The following MNAT1 variants were observed in gnomAD, a reference collection of about 807,000 sequenced individuals.
MNAT1 encodes the protein CDK-activating kinase assembly factor MAT1.
MNAT1 carries 43 observed loss-of-function variants against 42.0 expected under a neutral mutation model. That is an observed-to-expected ratio of 1.02 (90% CI 0.80 to 1.32). The LOEUF (loss-of-function observed/expected upper bound fraction) is 1.32, where lower values mean the gene tolerates loss of function less well. MNAT1 is among the 40% of genes most tolerant of loss of function. The probability of loss-of-function intolerance (pLI) is 0.00; values close to 1 mark genes in which losing one functional copy is unlikely to be tolerated. For synonymous variants in MNAT1, 118 were observed against 120.0 expected, an observed-to-expected ratio of 0.98 and a Z score of 0.11; for missense variants, 306 against 350.4, an observed-to-expected ratio of 0.87 and a Z score of 1.01.
intron 1 of MNAT1, among the ~76,000 whole-genome samples, chr14:60,736,785 C>T (rs1412408162): frequency 2.6e-5 from 4 of 152,064 alleles, no homozygotes; most frequent in Non-Finnish European, 5.9e-5. Context: ...GCTTGTATCA[C>T]GGTCCTTAAG....
intron 7 of MNAT1, among the ~76,000 whole-genome samples, chr14:60,911,969 G>T (rs2035379249): frequency 1.3e-5 from 2 of 152,004 alleles, no homozygotes; most frequent in African/African-American, 4.8e-5. Context: ...TCTCTTTCTA[G>T]GTCTCTAAGG....
Position 60,968,468 on chromosome 14 carries a change from A to G in MNAT1, c.*119A>G. 6.6e-7 allele frequency: 1 copy of G among 1,517,182 alleles called. No individual in the cohort carries two copies. The highest frequency in any genetic ancestry group is 8.8e-7 in the Non-Finnish European group (1 of 1,136,186). 94.0% of individuals were successfully genotyped at this position (1,517,182 alleles called of 1,614,324 possible). On this transcript the variant is annotated 3_prime_UTR_variant, in exon 8 of 8. Coordinates refer to ENST00000261245, the MANE Select transcript of MNAT1 (RefSeq NM_002431.4). Reference sequence around the variant, plus strand: ...CAGTCCTTCCACTAGCAGCTGTGTTAAAGTATTTATAAGGAGAAAATTTCA... The same window carrying G: ...CAGTCCTTCCACTAGCAGCTGTGTTGAAGTATTTATAAGGAGAAAATTTCA...
At chr14:60,864,221 TA>T (rs1346560397) in intron 6 of MNAT1, among the ~76,000 whole-genome samples, 2 of 151,786 alleles carry the variant, frequency 1.3e-5, no homozygotes, top group East Asian at 3.9e-4. Flanking sequence ...ACTTATATAC[TA>T]ATGTTTTTTT....
At chr14:60,805,187 T>C in intron 3 of MNAT1, among the ~76,000 whole-genome samples, 1 of 151,370 alleles carries the variant, frequency 6.6e-6, no homozygotes. Context: ...CAAGTATTTC[T>C]TGAGCCCTTA....
chr14:60,809,900 T>C (rs2032490883), intron 4 of MNAT1, among the ~76,000 whole-genome samples: 1 of 152,156 alleles, frequency 6.6e-6, no homozygotes, highest in African/African-American at 2.4e-5. Flanking sequence ...TGTCTCCCTC[T>C]TCAATTTTTT....
chr14:60,794,730 GTA>G (rs1216882186), intron 1 of MNAT1, among the ~76,000 whole-genome samples: 1 of 144,894 alleles, frequency 6.9e-6, no homozygotes, highest in Admixed American at 6.9e-5. Flanking sequence ...GTGTGTGTAT[GTA>G]TATATTTAAA....
rs4151232 is a variant in MNAT1, at chr14:60,819,463, A to G, written c.687+616A>G. Among the ~76,000 whole-genome samples, 126 of 151,860 alleles carry G rather than the reference A, an allele frequency of 8.3e-4. 1 individual carries two copies. Among genetic ancestry groups the G allele is most frequent in the Admixed American group, 1.8e-3 (28 of 15,262 alleles). ...TGTGTTTAATATTTAGATGTTTGAG[A>G]TGTAGCCACTCTAAATATGTAGCAT... On this transcript the variant is annotated intron_variant, in intron 6 of 7. Coordinates refer to ENST00000261245, the MANE Select transcript of MNAT1 (RefSeq NM_002431.4).
intron 1 of MNAT1, among the ~76,000 whole-genome samples, chr14:60,736,668 C>A (rs923577873): frequency 3.9e-5 from 6 of 152,112 alleles, no homozygotes; most frequent in African/African-American, 1.4e-4. Context: ...TTGGAATGAG[C>A]CTGTCTGATT....
intron 6 of MNAT1, among the ~76,000 whole-genome samples, chr14:60,831,325 C>T (rs1459500949): frequency 6.6e-6 from 1 of 152,114 alleles, no homozygotes; most frequent in Non-Finnish European, 1.5e-5. Flanking sequence ...CTATCCCTCC[C>T]CTAGCTCCCT....
chr14:60,816,226 G>A (rs1210773089), intron 5 of MNAT1, among the ~76,000 whole-genome samples: 1 of 151,934 alleles, frequency 6.6e-6, no homozygotes, highest in Non-Finnish European at 1.5e-5. Flanking sequence ...TGTATGTGAC[G>A]GGATTTTAAT....
At chr14:60,805,679 C>T (rs2032346393) in intron 3 of MNAT1, among the ~76,000 whole-genome samples, 1 of 152,142 alleles carries the variant, frequency 6.6e-6, no homozygotes, top group Non-Finnish European at 1.5e-5. Context: ...TTCAGATTGG[C>T]TTCTTTCACT....
intron 1 of MNAT1, among the ~76,000 whole-genome samples, chr14:60,778,776 G>A (rs1039606692): frequency 5.9e-5 from 9 of 152,150 alleles, no homozygotes; most frequent in African/African-American, 2.2e-4. Context: ...CAGATTGGAG[G>A]TGATCCTCTA....
At chr14:60,936,319 G>A (rs950668855) in intron 7 of MNAT1, among the ~76,000 whole-genome samples, 5 of 151,948 alleles carry the variant, frequency 3.3e-5, no homozygotes, top group Non-Finnish European at 7.4e-5. Context: ...ATGTTGGTGT[G>A]CTGCACTCAT....
At position 60,843,356 on chromosome 14, in the gene MNAT1, C is replaced by T. The variant is rs370467803; in HGVS notation, c.687+24509C>T. 9.7e-4 allele frequency among the ~76,000 whole-genome samples: 148 copies of T among 152,170 alleles called. 2 individuals are homozygous for T. The South Asian group carries it at 0.013, about 13-fold the overall frequency. ...CGCGACCTCAGCTCACTGCAAGCTC[C>T]GCCTCCCGGGTTCACGCTATTCTCC... On this transcript the variant is annotated intron_variant, in intron 6 of 7. Coordinates refer to ENST00000261245, the MANE Select transcript of MNAT1 (RefSeq NM_002431.4).
At chr14:60,948,178 C>T (rs1195061504) in intron 7 of MNAT1, among the ~76,000 whole-genome samples, 1 of 152,190 alleles carries the variant, frequency 6.6e-6, no homozygotes, top group East Asian at 1.9e-4. Context: ...CGCCTGTAAT[C>T]TCAGCGCTTA....
intron 7 of MNAT1, chr14:60,919,504 C>CGCCGTAT (rs2035606845): frequency 6.6e-6 from 1 of 152,636 alleles, no homozygotes; most frequent in African/African-American, 2.4e-5. Flanking sequence ...TTGGTGAGGT[C>CGCCGTAT]CAGGTACAGC....
intron 1 of MNAT1, among the ~76,000 whole-genome samples, chr14:60,746,244 G>A (rs983062373): frequency 1.3e-5 from 2 of 151,948 alleles, no homozygotes; most frequent in Non-Finnish European, 2.9e-5. Flanking sequence ...GGCTGGGTGC[G>A]GTAGCTCACA....
chr14:60,846,744 C>T (rs1050502524), intron 6 of MNAT1, among the ~76,000 whole-genome samples: 9 of 151,986 alleles, frequency 5.9e-5, no homozygotes, highest in African/African-American at 4.8e-5. Flanking sequence ...TAAAATTTAC[C>T]GTTACTTATG....
At chr14:60,870,307 G>A (rs1277304133) in intron 6 of MNAT1, among the ~76,000 whole-genome samples, 1 of 152,056 alleles carries the variant, frequency 6.6e-6, no homozygotes, top group Non-Finnish European at 1.5e-5. Context: ...ATATACTACT[G>A]AATGTACAGT....
Sources: gnomAD v4.1 joint callset for allele counts (sites outside exome capture counted in the v4.1 genomes callset) on GRCh38, gnomAD v4.1.1 for gene constraint, MANE v1.5 for transcripts, NCBI Gene and HGNC (gene_info 2026-07-23, HGNC 2026-07-21) for gene names.